Variants in KYNU observed in about 807,000 individuals in gnomAD.
KYNU encodes kynureninase.
In KYNU, 54 loss-of-function variants were observed where a neutral mutation model predicts 59.2. The observed-to-expected ratio is 0.91, with a 90% CI of 0.73 to 1.14. The LOEUF is 1.14. KYNU is among the 50% of genes most tolerant of loss of function. The probability of loss-of-function intolerance (pLI) is 0.00; values close to 1 mark genes in which losing one functional copy is unlikely to be tolerated. For synonymous variants in KYNU, 177 were observed against 192.0 expected, an observed-to-expected ratio of 0.92 and a Z score of 0.65; for missense variants, 567 against 554.4, an observed-to-expected ratio of 1.02 and a Z score of -0.23.
intron 8 of KYNU, among the ~76,000 whole-genome samples, chr2:142,981,410 C>T: frequency 6.6e-6 from 1 of 152,046 alleles, no homozygotes; most frequent in Non-Finnish European, 1.5e-5. Context: ...GAATAATTAA[C>T]TTTTTTCCCC....
At chr2:142,883,351 C>A (rs1052227940) in intron 1 of KYNU, among the ~76,000 whole-genome samples, 1 of 151,550 alleles carries the variant, frequency 6.6e-6, no homozygotes, top group Admixed American at 6.6e-5. Flanking sequence ...CCCGCCACCT[C>A]GCACGGCTAA....
chr2:142,966,795 G>A (rs374143573), intron 8 of KYNU, among the ~76,000 whole-genome samples: 1 of 152,138 alleles, frequency 6.6e-6, no homozygotes, highest in South Asian at 2.1e-4. Flanking sequence ...AAAATACTTA[G>A]TGCTTAGCAG....
chr2:142,965,124 C>T (rs1220021531), intron 8 of KYNU, among the ~76,000 whole-genome samples: 2 of 152,168 alleles, frequency 1.3e-5, no homozygotes, highest in South Asian at 2.1e-4. Context: ...CTCCAGGCTA[C>T]TCATACAATA....
chr2:143,001,952 T>A (rs944469896), intron 10 of KYNU, among the ~76,000 whole-genome samples: 6 of 152,328 alleles, frequency 3.9e-5, no homozygotes, highest in Admixed American at 1.3e-4. Context: ...TTGAACAGGA[T>A]TTCTTATTGG....
chr2:142,891,196 T>C (rs1336864849), intron 2 of KYNU, among the ~76,000 whole-genome samples: 1 of 152,214 alleles, frequency 6.6e-6, no homozygotes, highest in African/African-American at 2.4e-5. Flanking sequence ...ATTTTAAGTA[T>C]ACAATTTAAT....
chr2:142,910,927 A>G (rs1241413756), intron 2 of KYNU, among the ~76,000 whole-genome samples: 4 of 152,090 alleles, frequency 2.6e-5, no homozygotes, highest in Non-Finnish European at 4.4e-5. Context: ...CTATTGGTCT[A>G]TGTATATGTT....
chr2:143,007,402 C>G (rs1268664369), intron 10 of KYNU, among the ~76,000 whole-genome samples: 2 of 144,310 alleles, frequency 1.4e-5, no homozygotes, highest in East Asian at 4.2e-4. Context: ...AAATATGGGA[C>G]TATGTGAAAA....
chr2:143,032,610 T>C (rs1389402295), intron 11 of KYNU, among the ~76,000 whole-genome samples: 5 of 152,214 alleles, frequency 3.3e-5, no homozygotes, highest in African/African-American at 1.2e-4. Flanking sequence ...TGAATTTAAC[T>C]TGCTACAGTT....
At chr2:142,964,447 G>A (rs1684466246) in intron 8 of KYNU, among the ~76,000 whole-genome samples, 1 of 152,098 alleles carries the variant, frequency 6.6e-6, no homozygotes, top group African/African-American at 2.4e-5. Flanking sequence ...AATAGTTACT[G>A]TTTTCAGTCT....
chr2:142,885,642 C>T, intron 2 of KYNU, 106 bp downstream of exon 2: 2 of 1,036,150 alleles, frequency 1.9e-6, no homozygotes, highest in South Asian at 2.9e-5. Flanking sequence ...CATAATAGAG[C>T]TGTTGCAATT....
At chr2:142,922,200 G>A (rs1012520137) in intron 3 of KYNU, among the ~76,000 whole-genome samples, 6 of 152,158 alleles carry the variant, frequency 3.9e-5, no homozygotes, top group African/African-American at 1.4e-4. Flanking sequence ...AAAAGATAAT[G>A]TTAAAAATGT....
chr2:142,893,654 G>A (rs756703198), intron 2 of KYNU, among the ~76,000 whole-genome samples: 1 of 152,182 alleles, frequency 6.6e-6, no homozygotes, highest in South Asian at 2.1e-4. Flanking sequence ...GCATTGAGAA[G>A]ATGGTATGGG....
chr2:142,948,547 C>T (rs1047156330), intron 4 of KYNU, among the ~76,000 whole-genome samples: 2 of 152,204 alleles, frequency 1.3e-5, no homozygotes, highest in South Asian at 4.1e-4. Flanking sequence ...GAGAGAGTCA[C>T]ATCTTATGTG....
Position 142,927,733 on chromosome 2 carries a change from A to G in KYNU, c.365A>G (p.Asp122Gly). 1 of 1,608,422 alleles carries G rather than the reference A, an allele frequency of 6.2e-7. No individual in the cohort carries two copies. Residue 122 changes from aspartate to glycine, a missense_variant, in exon 4 of 14, where the codon GAC becomes GGC. Asp to Gly is a moderately conservative substitution (Grantham distance 94). Transcript: ENST00000264170. ...GDESIVGLMK[D>G]IVGANEKEIA... ...GAGAGTATTGTAGGCCTTATGAAGG[A>G]CATTGTAGGTAAGTACAAAACACTG...
intron 1 of KYNU, among the ~76,000 whole-genome samples, chr2:142,884,867 A>C (rs766996427): frequency 1.5e-4 from 21 of 137,060 alleles, no homozygotes; most frequent in Admixed American, 6.1e-4. Context: ...CCACCATGCC[A>C]CCTTTTCCCA....
intron 2 of KYNU, among the ~76,000 whole-genome samples, chr2:142,892,154 T>C (rs958391357): frequency 6.6e-6 from 1 of 152,268 alleles, no homozygotes; most frequent in Non-Finnish European, 1.5e-5. Flanking sequence ...GCTCAAGTGA[T>C]CTGCCCATCT....
intron 1 of KYNU, among the ~76,000 whole-genome samples, chr2:142,884,688 C>CTTTTTTTTTTTTTTT (rs70997529): frequency 1.5e-3 from 116 of 77,050 alleles, no homozygotes; most frequent in Middle Eastern, 9.8e-3. Context: ...TTCTCTTTTC[C>CTTTTTTTTTTTTTTT]TTTTTTTTTT....
intron 8 of KYNU, among the ~76,000 whole-genome samples, chr2:142,969,277 A>AAGAT (rs1304086581): frequency 6.6e-6 from 1 of 152,210 alleles, no homozygotes; most frequent in African/African-American, 2.4e-5. Context: ...AGGGTGATAG[A>AAGAT]AGATATACTA....
At chr2:142,908,591 C>T (rs1253866090) in intron 2 of KYNU, among the ~76,000 whole-genome samples, 1 of 151,982 alleles carries the variant, frequency 6.6e-6, no homozygotes, top group Non-Finnish European at 1.5e-5. Flanking sequence ...GTTCAAGCTC[C>T]TGATGTGATA....
Sources: gnomAD v4.1 joint callset for allele counts (sites outside exome capture counted in the v4.1 genomes callset) on GRCh38, gnomAD v4.1.1 for gene constraint, MANE v1.5 for transcripts, NCBI Gene and HGNC (gene_info 2026-07-23, HGNC 2026-07-21) for gene names.